DSCAM: variants seen among roughly 807,000 people sequenced by gnomAD.
DSCAM encodes DS cell adhesion molecule, also known as cell adhesion molecule DSCAM.
A neutral mutation model predicts 217.7 loss-of-function variants in DSCAM; 47 were observed. The observed-to-expected ratio is 0.22, with a 90% confidence interval of 0.17 to 0.28. DSCAM has a LOEUF of 0.28. Among genes scored for constraint, DSCAM ranks in the 10% least tolerant of loss-of-function variants. The pLI, the probability that DSCAM is intolerant of heterozygous loss-of-function variation, is 1.00. For synonymous variants in DSCAM, 1,056 were observed against 1,015.3 expected, an observed-to-expected ratio of 1.04 and a Z score of -0.76; for missense variants, 2,080 against 2,618.3, an observed-to-expected ratio of 0.79 and a Z score of 4.49.
chr21:40,518,571 T>C (rs1316596937), intron 3 of DSCAM, among the ~76,000 whole-genome samples: 7 of 86,520 alleles, frequency 8.1e-5, no homozygotes, highest in African/African-American at 4.0e-4. Context: ...CACACATATA[T>C]ACATACACAC....
chr21:40,057,678 G>A (rs1685485028), intron 28 of DSCAM, among the ~76,000 whole-genome samples: 1 of 152,122 alleles, frequency 6.6e-6, no homozygotes, highest in South Asian at 2.1e-4. Flanking sequence ...CGACTGGCTG[G>A]CACCAAGATT....
At chr21:40,220,513 T>C (rs1327791411) in intron 11 of DSCAM, among the ~76,000 whole-genome samples, 2 of 152,208 alleles carry the variant, frequency 1.3e-5, no homozygotes, top group Non-Finnish European at 2.9e-5. Context: ...AATTAGCTTA[T>C]CCCACTTTTT....
intron 15 of DSCAM, among the ~76,000 whole-genome samples, chr21:40,169,299 G>A (rs898496242): frequency 2.0e-5 from 3 of 152,192 alleles, no homozygotes; most frequent in South Asian, 2.1e-4. Context: ...TCAACAATAT[G>A]ACAATAAGCC....
rs376322371 is a variant in DSCAM at position 40,160,664 on chromosome 21, T to C, written c.3018+6554A>G. ...GAAAACACCTAAGGATGAGCGTCAATAGATGTCCAAAATACCCCTTTAGTT... is the reference window on the plus strand; with the variant it reads ...GAAAACACCTAAGGATGAGCGTCAACAGATGTCCAAAATACCCCTTTAGTT... On this transcript the variant is annotated intron_variant, in intron 16 of 32. Coordinates refer to ENST00000400454, the MANE Select transcript of DSCAM (RefSeq NM_001389.5). Among the ~76,000 whole-genome samples, 331 of 152,354 alleles carry C rather than the reference T, an allele frequency of 2.2e-3. 2 individuals are homozygous for C. Among genetic ancestry groups the C allele is most frequent in the African/African-American group, 7.5e-3 (311 of 41,582 alleles).
Position 40,558,453 on chromosome 21 carries a change from GA to G in DSCAM, c.508+134356del, listed in dbSNP as rs34187407. Among the ~76,000 whole-genome samples the G allele has an allele frequency of 5.3e-3, 761 of 142,946 alleles. 5 individuals carry two copies. The highest frequency in any genetic ancestry group is 6.0e-3 in the Non-Finnish European group (393 of 65,862). The allele number at this position is 142,946 out of a possible 152,430, so 93.8% of individuals were successfully genotyped here. A position where few individuals can be genotyped will look rare whatever the true frequency, so the allele number is the denominator to read the frequency against. On this transcript the variant is annotated intron_variant, in intron 3 of 32. Coordinates refer to ENST00000400454, the MANE Select transcript of DSCAM (RefSeq NM_001389.5). Reference sequence around the variant, plus strand: ...ACAGAGCAAGACTCCATCTCAAAAAGAAAAAAAAAAAAATTATCTAAGTTAA... The same window carrying G: ...ACAGAGCAAGACTCCATCTCAAAAAGAAAAAAAAAAAATTATCTAAGTTAA...
At chr21:40,649,296 C>T (rs1368335823) in intron 3 of DSCAM, among the ~76,000 whole-genome samples, 3 of 152,138 alleles carry the variant, frequency 2.0e-5, no homozygotes, top group African/African-American at 7.2e-5. Flanking sequence ...CCACCTCTGG[C>T]CCACTCCAGA....
At chr21:40,598,702 A>G (rs996619765) in intron 3 of DSCAM, among the ~76,000 whole-genome samples, 1 of 151,902 alleles carries the variant, frequency 6.6e-6, no homozygotes, top group Non-Finnish European at 1.5e-5. Context: ...ACAGGTTGTC[A>G]TCATGTTGGC....
intron 1 of DSCAM, among the ~76,000 whole-genome samples, chr21:40,766,290 T>A (rs1036480911): frequency 6.6e-6 from 1 of 152,116 alleles, no homozygotes; most frequent in Non-Finnish European, 1.5e-5. Flanking sequence ...CATAAAAATA[T>A]AAAACAGAGC....
chr21:40,268,520 A>G (rs2073570294), intron 11 of DSCAM, among the ~76,000 whole-genome samples: 1 of 152,042 alleles, frequency 6.6e-6, no homozygotes, highest in African/African-American at 2.4e-5. Flanking sequence ...AAAACATTGA[A>G]ATAGGCGCAA....
intron 20 of DSCAM, among the ~76,000 whole-genome samples, chr21:40,101,360 C>T (rs1350270644): frequency 6.6e-6 from 1 of 152,152 alleles, no homozygotes; most frequent in Non-Finnish European, 1.5e-5. Flanking sequence ...ATTTCTTGGT[C>T]CACCAGATAA....
At chr21:40,327,659 G>A (rs973279240) in intron 8 of DSCAM, among the ~76,000 whole-genome samples, 1 of 151,550 alleles carries the variant, frequency 6.6e-6, no homozygotes, top group Non-Finnish European at 1.5e-5. Context: ...AACTTGTCTC[G>A]AGTACAATGT....
chr21:40,435,894 A>AC (rs752857519), intron 3 of DSCAM, among the ~76,000 whole-genome samples: 5 of 152,142 alleles, frequency 3.3e-5, no homozygotes, highest in Non-Finnish European at 5.9e-5. Flanking sequence ...GTGATATGAT[A>AC]CCCTCTCATG....
rs563490897 is a variant in DSCAM, at chr21:40,549,061, T to G, written c.508+143749A>C. Among the ~76,000 whole-genome samples, 104 of 152,142 alleles carry G rather than the reference T, an allele frequency of 6.8e-4. 2 individuals are homozygous for G. The South Asian group carries it at 0.021, about 31-fold the overall frequency. ...TCTACCAAAAATACAAAAAATTAAC[T>G]GGGTGTGGTGGTGTGCGCCCGAGGT... On this transcript the variant is annotated intron_variant, in intron 3 of 32. Transcript: ENST00000400454.
In DSCAM at chr21:40,283,079, A is replaced by C. The variant is rs370893081; in HGVS notation, c.2183-6809T>G. Among the ~76,000 whole-genome samples, 62 of 152,362 alleles carry C rather than the reference A, an allele frequency of 4.1e-4. No homozygotes were observed. The South Asian group carries it at 8.9e-3, about 22-fold the overall frequency. ...CACACTGCCAACTGATTCATCTACT[A>C]TGAGGACTACAGTTCCAAGGGCTAG... On this transcript the variant is annotated intron_variant, in intron 10 of 32. Coordinates refer to ENST00000400454, the MANE Select transcript of DSCAM (RefSeq NM_001389.5).
chr21:40,377,384 G>A (rs541834078), intron 3 of DSCAM, among the ~76,000 whole-genome samples: 7 of 152,184 alleles, frequency 4.6e-5, no homozygotes, highest in African/African-American at 9.6e-5. Flanking sequence ...ATGGGCAAGC[G>A]GAGGTACAAC....
At chr21:40,755,097 G>A (rs2091262719) in intron 1 of DSCAM, among the ~76,000 whole-genome samples, 2 of 152,308 alleles carry the variant, frequency 1.3e-5, no homozygotes, top group South Asian at 4.1e-4. Flanking sequence ...GAAGAGGAAG[G>A]GAGATGATGC....
intron 16 of DSCAM, among the ~76,000 whole-genome samples, chr21:40,160,872 C>T (rs2090533326): frequency 6.6e-6 from 1 of 152,164 alleles, no homozygotes; most frequent in South Asian, 2.1e-4. Context: ...AAGAAACCAT[C>T]CAACAGGATT....
intron 6 of DSCAM, among the ~76,000 whole-genome samples, chr21:40,342,626 G>GTGTATATATA (rs1491362590): frequency 1.1e-5 from 1 of 94,720 alleles, no homozygotes; most frequent in Non-Finnish European, 1.9e-5. Flanking sequence ...GTGTGTGTGT[G>GTGTATATATA]TATATATATA....
chr21:40,294,620 C>A (rs1232492304), intron 10 of DSCAM, among the ~76,000 whole-genome samples: 2 of 152,100 alleles, frequency 1.3e-5, no homozygotes, highest in African/African-American at 4.8e-5. Context: ...ACTGTAAACA[C>A]CCTCAGGGAG....
Sources: allele counts gnomAD v4.1 joint callset (sites outside exome capture counted in the v4.1 genomes callset), GRCh38; gene constraint gnomAD v4.1.1; transcripts MANE v1.5; gene names NCBI Gene and HGNC (gene_info 2026-07-23, HGNC 2026-07-21).